ZBTB21: variants seen among roughly 807,000 people sequenced by gnomAD.
ZBTB21 encodes zinc finger and BTB domain-containing protein 21.
Under a neutral mutation model 39.8 loss-of-function variants are expected in ZBTB21, and 10 were observed. The ratio of observed to expected loss-of-function variants is 0.25; its 90% CI spans 0.16 to 0.43. ZBTB21 has a LOEUF of 0.43. ZBTB21 is among the 20% of genes least tolerant of loss of function. ZBTB21 has a pLI of 1.00. For missense variants in ZBTB21, 1,221 were observed against 1,296.3 expected, an observed-to-expected ratio of 0.94 and a Z score of 0.89; for synonymous variants, 551 against 498.8, an observed-to-expected ratio of 1.10 and a Z score of -1.40.
At chr21:42,001,286 A>C (rs2065814427) in intron 2 of ZBTB21, among the ~76,000 whole-genome samples, 1 of 152,236 alleles carries the variant, frequency 6.6e-6, no homozygotes, top group South Asian at 2.1e-4. Flanking sequence ...TCCTTTTTAC[A>C]AACAAATGAG....
rs35124464 is a variant in ZBTB21 at position 41,992,531 on chromosome 21, G to C, written c.1565C>G (p.Ala522Gly). 5.4e-3 allele frequency: 8,719 copies of C among 1,614,154 alleles called. 62 individuals are homozygous for C. The highest frequency in any genetic ancestry group is 0.029 in the Middle Eastern group (175 of 6,062). ...EEGSSPTLLD[A>G]DFPDSDLNKD... ...ATTCAAATCAGAATCTGGAAAATCT[G>C]CATCAAGGAGAGTAGGGCTTGAGCC... The change falls in exon 3 of 3, where the codon GCA (alanine) becomes GGA (glycine). Residue 522 changes from alanine (A) to glycine (G), a missense_variant. Ala to Gly is a moderately conservative substitution (Grantham distance 60). Coordinates refer to ENST00000310826, the MANE Select transcript of ZBTB21 (RefSeq NM_001098402.2). This position sits in a 1 kb window ranked among gnomAD's most constrained non-coding sequence, Gnocchi z 4.1.
chr21:41,997,794 T>A (rs898971557), intron 2 of ZBTB21, among the ~76,000 whole-genome samples: 1 of 152,200 alleles, frequency 6.6e-6, no homozygotes, highest in Non-Finnish European at 1.5e-5. Flanking sequence ...TCTTCAAATC[T>A]AAACATGAGA....
At chr21:41,999,916 A>G (rs2065797777) in intron 2 of ZBTB21, among the ~76,000 whole-genome samples, 1 of 152,230 alleles carries the variant, frequency 6.6e-6, no homozygotes, top group African/African-American at 2.4e-5. Context: ...GATTCTGAGC[A>G]GAGGAATGAC....
chr21:41,992,286 G>T lies in ZBTB21; in HGVS notation c.1810C>A (p.Pro604Thr). 3 of 1,614,136 alleles carry T rather than the reference G, an allele frequency of 1.9e-6. No homozygotes were observed. Among genetic ancestry groups the T allele is most frequent in the South Asian group, 1.1e-5 (1 of 91,072 alleles). The change falls in exon 3 of 3, where the codon CCA becomes ACA. Residue 604 changes from proline to threonine, a missense_variant. Transcript: ENST00000310826. This position sits in a 1 kb window ranked among gnomAD's most constrained non-coding sequence, Gnocchi z 4.1. ...CQTQHGIVKN[P>T]SPASSSHAVL... ...GCATGTGAACTAGAGGCTGGTGATG[G>T]GTTCTTCACTATGCCGTGTTGGGTC...
rs923634283 is a variant in ZBTB21, at chr21:41,988,884, C to T, written c.*2011G>A. 6.6e-6 allele frequency: 1 copy of T among 151,832 alleles called. No individual in the cohort carries two copies. The highest frequency in any genetic ancestry group is 1.5e-5 in the Non-Finnish European group (1 of 67,928). 9.4% of individuals were successfully genotyped at this position (151,832 alleles called of 1,614,324 possible). A position where few individuals can be genotyped will look rare whatever the true frequency, so the allele number is the denominator to read the frequency against. On this transcript the variant is annotated 3_prime_UTR_variant, in exon 3 of 3. Coordinates refer to ENST00000310826, the MANE Select transcript of ZBTB21 (RefSeq NM_001098402.2). ...ATACTCTGTATCATGGAATTATCAC[C>T]GATAGATACTCTAATGGCCATGTAG...
At chr21:42,008,352 A>G (rs1398439232) in intron 1 of ZBTB21, among the ~76,000 whole-genome samples, 23 of 145,608 alleles carry the variant, frequency 1.6e-4, no homozygotes, top group Admixed American at 1.5e-3. Context: ...CAAAAAAAAA[A>G]AAAAAAAAAA....
Position 42,010,240 on chromosome 21 carries a change from A to T in ZBTB21, c.-79+12T>A. ...CAGTTCTCCTAGAGCTAGGGGCGTG[A>T]CAGTTACTCACCGGTCTTCAGTCTC... On this transcript the variant is annotated intron_variant, in intron 1 of 2. Coordinates refer to ENST00000310826, the MANE Select transcript of ZBTB21 (RefSeq NM_001098402.2). 1 of 397,890 alleles carries T rather than the reference A, an allele frequency of 2.5e-6. No homozygotes were observed. Among genetic ancestry groups the T allele is most frequent in the Non-Finnish European group, 4.4e-6 (1 of 225,554 alleles). 24.6% of individuals were successfully genotyped at this position (397,890 alleles called of 1,614,324 possible).
intron 1 of ZBTB21, among the ~76,000 whole-genome samples, chr21:42,007,232 A>G (rs1325841343): frequency 1.3e-5 from 2 of 152,196 alleles, no homozygotes; most frequent in Non-Finnish European, 2.9e-5. Flanking sequence ...AACAATAAAG[A>G]TTTGACTTTT....
At chr21:41,997,284 A>G (rs2065759161) in intron 2 of ZBTB21, among the ~76,000 whole-genome samples, 1 of 152,192 alleles carries the variant, frequency 6.6e-6, no homozygotes, top group Non-Finnish European at 1.5e-5. Flanking sequence ...ATTACTAATG[A>G]AAGTGTTTAC....
In ZBTB21 at chr21:41,993,611, G is replaced by A. The variant is rs1235327176; in HGVS notation, c.485C>T (p.Thr162Ile). 2.5e-6 allele frequency: 4 copies of A among 1,614,196 alleles called. No individual in the cohort carries two copies. Among genetic ancestry groups the A allele is most frequent in the Admixed American group, 3.3e-5 (2 of 60,014 alleles). ...TACATCGGGTTGATTTTGACTAACA[G>A]TTTTTCCTTGCGCTTCGTTTCTACT... ...CQSRNEAQGK[T>I]VSQNQPDVSH... Residue 162 changes from threonine (T) to isoleucine (I), a missense_variant, in exon 3 of 3, where the codon ACT (threonine) becomes ATT (isoleucine). Physicochemically the swap from Thr to Ile is moderately conservative, Grantham distance 89. This residue lies in a region of ZBTB21 where 500 missense variants were observed against 465.6 expected (regional missense o/e 1.07). Transcript: ENST00000310826.
At chr21:41,996,774 C>T (rs1188077701) in intron 2 of ZBTB21, among the ~76,000 whole-genome samples, 1 of 152,164 alleles carries the variant, frequency 6.6e-6, no homozygotes, top group East Asian at 1.9e-4. Context: ...CACAATTCCC[C>T]ACATCTGGGA....
chr21:41,996,224 G>A (rs1264152425), intron 2 of ZBTB21, among the ~76,000 whole-genome samples: 4 of 152,214 alleles, frequency 2.6e-5, no homozygotes, highest in African/African-American at 9.7e-5. Context: ...AGCTGGCACT[G>A]CGTGCCTGCA....
Position 41,988,603 on chromosome 21 carries a change from A to G in ZBTB21, c.*2292T>C, listed in dbSNP as rs1396965198. 1.3e-5 allele frequency: 2 copies of G among 152,188 alleles called. No individual in the cohort carries two copies. The highest frequency in any genetic ancestry group is 3.8e-4 in the East Asian group (2 of 5,204). 9.4% of individuals were successfully genotyped at this position (152,188 alleles called of 1,614,324 possible). ...CCTAATGCTTTTAAAGTACAGTATA[A>G]AAAGTAATAGAAAAACCAGAACGGC... On this transcript the variant is annotated 3_prime_UTR_variant, in exon 3 of 3. Transcript: ENST00000310826.
chr21:42,006,428 CAAAA>C (rs11325246), intron 1 of ZBTB21, among the ~76,000 whole-genome samples: 1 of 135,086 alleles, frequency 7.4e-6, no homozygotes. Context: ...AACTCCGTCT[CAAAA>C]AAAAAAAAAA....
At position 41,991,664 on chromosome 21, in the gene ZBTB21, A is replaced by G. The variant is rs751859471; in HGVS notation, c.2432T>C (p.Leu811Ser). ...ATCACCATTGTGGTCCAAAACGGGC[A>G]AAGAAAAGTTTTCGGTGGGTGCCAT... ...NNMAPTENFS[L>S]PVLDHNGDVT... Residue 811 changes from leucine (L) to serine (S), a missense_variant, in exon 3 of 3, where the codon TTG (leucine) becomes TCG (serine). Physicochemically the swap from Leu to Ser is moderately radical, Grantham distance 145. Around this residue, in one of 4 missense-constraint regions of ZBTB21, gnomAD observed 523 missense variants for 542.5 expected, o/e 0.96. Transcript: ENST00000310826. The surrounding 1 kb of genome is among the most constrained non-coding windows in gnomAD (Gnocchi z 4.9). 6.8e-6 allele frequency: 11 copies of G among 1,614,038 alleles called. No individual in the cohort carries two copies. In the African/African-American group the frequency reaches 1.5e-4, roughly 22 times the overall value.
Position 41,991,969 on chromosome 21 carries a change from A to G in ZBTB21, c.2127T>C (p.His709=). ...TTTCTACTGGACTTGCAAGAGGAGC[A>G]TGCTCTTTTGGTTTAGCAACTTTAT... ...GVNKVAKPKE[H]APLASPVENK... The change falls in exon 3 of 3, where the codon CAT becomes CAC. Residue 709 remains histidine (H), a synonymous_variant. Coordinates refer to ENST00000310826, the MANE Select transcript of ZBTB21 (RefSeq NM_001098402.2). This position sits in a 1 kb window ranked among gnomAD's most constrained non-coding sequence, Gnocchi z 4.9. The G allele has an allele frequency of 6.2e-7, 1 of 1,614,172 alleles. No individual in the cohort carries two copies. The highest frequency in any genetic ancestry group is 2.2e-5 in the East Asian group (1 of 44,890).
chr21:42,001,425 T>A (rs1382384071), intron 2 of ZBTB21, among the ~76,000 whole-genome samples: 2 of 152,240 alleles, frequency 1.3e-5, no homozygotes, highest in African/African-American at 4.8e-5. Flanking sequence ...TTAACAAGTA[T>A]GGCCCTGCCT....
intron 1 of ZBTB21, among the ~76,000 whole-genome samples, chr21:42,007,161 A>G (rs1038351780): frequency 1.3e-5 from 2 of 152,256 alleles, no homozygotes. Context: ...AAGCTATTTA[A>G]AGACTGATAA....
chr21:42,009,136 G>A (rs1214493043), intron 1 of ZBTB21: 1 of 128,568 alleles, frequency 7.8e-6, no homozygotes, highest in Non-Finnish European at 1.7e-5. Context: ...TGCACGAAAG[G>A]AAAAACCCCA....
Sources: gnomAD v4.1 joint callset for allele counts (sites outside exome capture counted in the v4.1 genomes callset) on GRCh38, gnomAD v4.1.1 for gene constraint, gnomAD v4.1.1 regional missense constraint, Gnocchi (gnomAD v3.1) non-coding constraint, MANE v1.5 for transcripts, NCBI Gene and HGNC (gene_info 2026-07-23, HGNC 2026-07-21) for gene names.